TMEM154: variants seen among roughly 807,000 people sequenced by gnomAD.
TMEM154 encodes transmembrane protein 154.
Under a neutral mutation model 24.5 loss-of-function variants are expected in TMEM154, and 27 were observed. That is an observed-to-expected ratio of 1.10 (90% confidence interval 0.81 to 1.52). The LOEUF (loss-of-function observed/expected upper bound fraction) is 1.52. TMEM154 is among the 40% of genes most tolerant of loss of function. The pLI, the probability that TMEM154 is intolerant of heterozygous loss-of-function variation, is 0.00. For missense variants in TMEM154, 228 were observed against 213.4 expected, an observed-to-expected ratio of 1.07 and a Z score of -0.43; for synonymous variants, 67 against 76.8, an observed-to-expected ratio of 0.87 and a Z score of 0.67.
At chr4:152,653,352 A>T (rs9999349) in intron 1 of TMEM154, among the ~76,000 whole-genome samples, 1 of 151,890 alleles carries the variant, frequency 6.6e-6, no homozygotes, top group Non-Finnish European at 1.5e-5. Flanking sequence ...CATGCCATAC[A>T]GCACTTTTAG....
At chr4:152,655,958 C>T (rs940864056) in intron 1 of TMEM154, among the ~76,000 whole-genome samples, 2 of 152,152 alleles carry the variant, frequency 1.3e-5, no homozygotes, top group Admixed American at 1.3e-4. Context: ...TCTCCCAGTG[C>T]AGTACTTGAG....
intron 3 of TMEM154, among the ~76,000 whole-genome samples, chr4:152,646,158 A>C (rs935418397): frequency 1.3e-5 from 2 of 151,382 alleles, no homozygotes; most frequent in African/African-American, 4.9e-5. Context: ...ACCCCTGACT[A>C]TTTTCCCAGA....
intron 3 of TMEM154, among the ~76,000 whole-genome samples, chr4:152,648,807 C>A (rs1379609100): frequency 1.3e-5 from 2 of 152,180 alleles, no homozygotes; most frequent in African/African-American, 4.8e-5. Context: ...GTGGATACCT[C>A]CAACATCCCC....
chr4:152,674,896 C>T (rs545453394), intron 1 of TMEM154, among the ~76,000 whole-genome samples: 2 of 152,244 alleles, frequency 1.3e-5, no homozygotes, highest in African/African-American at 4.8e-5. Flanking sequence ...TGGCTCATGC[C>T]TGTAATCCCA....
At position 152,624,891 on chromosome 4, in the gene TMEM154, T is replaced by G. The variant is rs1751892496; in HGVS notation, c.*3655A>C. 2 of 152,250 alleles carry G rather than the reference T, an allele frequency of 1.3e-5. No individual in the cohort carries two copies. The highest frequency in any genetic ancestry group is 2.9e-5 in the Non-Finnish European group (2 of 68,048). 9.4% of individuals were successfully genotyped at this position (152,250 alleles called of 1,614,324 possible). ...AGCTATTAAATGGAAACCCCAGAAT[T>G]CATCCTGAATGTCTCTGAATGTGAA... On this transcript the variant is annotated 3_prime_UTR_variant, in exon 7 of 7. Coordinates refer to ENST00000304385, the MANE Select transcript of TMEM154 (RefSeq NM_152680.3).
intron 5 of TMEM154, among the ~76,000 whole-genome samples, chr4:152,642,230 G>A (rs72721664): frequency 0.096 from 14,518 of 151,966 alleles, 843 homozygotes; most frequent in African/African-American, 0.16. Context: ...GGTAGTAATA[G>A]TTCTTATAAC....
rs1561050710 is a variant in TMEM154, at chr4:152,650,591, T to G, written c.364+1947A>C. Among the ~76,000 whole-genome samples, 2 of 152,236 alleles carry G rather than the reference T, an allele frequency of 1.3e-5. 1 individual carries two copies. Among genetic ancestry groups the G allele is most frequent in the Non-Finnish European group, 2.9e-5 (2 of 68,038 alleles). ...GGAATCAACGTCTTCCAAAATACTG[T>G]TGATGTTGATATTTTGATCTCCTCC... On this transcript the variant is annotated intron_variant, in intron 3 of 6. Coordinates refer to ENST00000304385, the MANE Select transcript of TMEM154 (RefSeq NM_152680.3).
intron 6 of TMEM154, among the ~76,000 whole-genome samples, 180 bp downstream of exon 6, chr4:152,640,748 T>C (rs1752238778): frequency 1.3e-5 from 2 of 152,228 alleles, no homozygotes; most frequent in Admixed American, 1.3e-4. Context: ...ATTTACTTTG[T>C]GGCCTTCTAT....
At position 152,626,176 on chromosome 4, in the gene TMEM154, G is replaced by A. The variant is rs1385366887; in HGVS notation, c.*2370C>T. ...AGAAGTTTGACTAGGCTATGTTGTT[G>A]TTAACCTAGTTTGCTTAAAATGTAC... is the stretch of plus-strand genomic sequence containing the variant. On this transcript the variant is annotated 3_prime_UTR_variant, in exon 7 of 7. Transcript: ENST00000304385. 1 of 152,584 alleles carries A rather than the reference G, an allele frequency of 6.6e-6. No homozygotes were observed. The highest frequency in any genetic ancestry group is 2.4e-5 in the African/African-American group (1 of 41,422). The allele number at this position is 152,584 out of a possible 1,614,324, so 9.5% of individuals were successfully genotyped here.
chr4:152,648,650 TGTTGTTA>T (rs1561050017), intron 3 of TMEM154, among the ~76,000 whole-genome samples: 1 of 152,050 alleles, frequency 6.6e-6, no homozygotes, highest in African/African-American at 2.4e-5. Flanking sequence ...ATACTTCAAG[TGTTGTTA>T]GAGTGGAGGA....
At chr4:152,659,955 T>A (rs1311739113) in intron 1 of TMEM154, among the ~76,000 whole-genome samples, 1 of 152,198 alleles carries the variant, frequency 6.6e-6, no homozygotes, top group East Asian at 1.9e-4. Flanking sequence ...TCAAAATATC[T>A]TATTGTACTG....
chr4:152,629,271 G>A (rs561876970), intron 6 of TMEM154, among the ~76,000 whole-genome samples: 34 of 152,270 alleles, frequency 2.2e-4, no homozygotes, highest in Admixed American at 5.9e-4. Context: ...TCCACATGCC[G>A]TTTTCTCTCA....
intron 1 of TMEM154, among the ~76,000 whole-genome samples, chr4:152,657,513 A>T (rs1728513523): frequency 6.6e-6 from 1 of 152,078 alleles, no homozygotes; most frequent in Non-Finnish European, 1.5e-5. Context: ...GATCCTGCCT[A>T]AAAAGAAAAA....
At chr4:152,638,592 T>C (rs1752193240) in intron 6 of TMEM154, among the ~76,000 whole-genome samples, 1 of 152,250 alleles carries the variant, frequency 6.6e-6, no homozygotes, top group Non-Finnish European at 1.5e-5. Context: ...CCTAACTTCC[T>C]AATAATTATA....
intron 1 of TMEM154, among the ~76,000 whole-genome samples, chr4:152,674,064 T>C (rs1728905003): frequency 6.6e-6 from 1 of 152,102 alleles, no homozygotes; most frequent in South Asian, 2.1e-4. Context: ...CTAGAAATGT[T>C]GAATAAAACA....
At position 152,647,002 on chromosome 4, in the gene TMEM154, A is replaced by G. The variant is rs1728261279; in HGVS notation, c.365-2560T>C. The G allele has an allele frequency of 2.0e-5, 14 of 716,722 alleles. No individual in the cohort carries two copies. In the East Asian group the frequency reaches 2.4e-4, roughly 12 times the overall value. 44.4% of individuals were successfully genotyped at this position (716,722 alleles called of 1,614,324 possible). On this transcript the variant is annotated intron_variant, in intron 3 of 6. Transcript: ENST00000304385. ...TTTCATACCAGGAGGTCTAGGAAGA[A>G]TGAGAGCAGAACATCACGTTACTAC...
intron 4 of TMEM154, among the ~76,000 whole-genome samples, chr4:152,643,592 A>G (rs935454940): frequency 1.3e-5 from 2 of 152,178 alleles, no homozygotes; most frequent in African/African-American, 4.8e-5. Flanking sequence ...TCAAGAGGCC[A>G]CTGTCAACAG....
chr4:152,652,459 T>C, intron 3 of TMEM154, 79 bp downstream of exon 3: 1 of 1,590,158 alleles, frequency 6.3e-7, no homozygotes. Flanking sequence ...ATGTAGTCCT[T>C]GTTGCTTAAT....
intron 1 of TMEM154, among the ~76,000 whole-genome samples, chr4:152,654,616 G>C (rs932684607): frequency 6.6e-6 from 1 of 152,154 alleles, no homozygotes; most frequent in Admixed American, 6.5e-5. Flanking sequence ...TCATGAGAGT[G>C]GGGACCCTAT....
Sources: allele counts gnomAD v4.1 joint callset (sites outside exome capture counted in the v4.1 genomes callset), GRCh38; gene constraint gnomAD v4.1.1; transcripts MANE v1.5; gene names NCBI Gene and HGNC (gene_info 2026-07-23, HGNC 2026-07-21).